The following LAMP3 variants were observed in gnomAD, a reference collection of about 807,000 sequenced individuals.
LAMP3 encodes lysosome associated membrane protein 3.
A neutral mutation model predicts 34.8 loss-of-function variants in LAMP3; 26 were observed. That is an observed-to-expected ratio of 0.75 (90% CI 0.55 to 1.04). The LOEUF (loss-of-function observed/expected upper bound fraction) is 1.04, where lower values mean the gene tolerates loss of function less well. Among genes scored for constraint, LAMP3 ranks in the 50% least tolerant of loss-of-function variants. The pLI is 0.00. For missense variants in LAMP3, 495 were observed against 524.0 expected (o/e 0.94, Z 0.54); for synonymous variants, 180 against 201.9 (o/e 0.89, Z 0.92).
intron 1 of LAMP3, among the ~76,000 whole-genome samples, chr3:183,159,207 T>A (rs1298544322): frequency 6.6e-6 from 1 of 152,222 alleles, no homozygotes; most frequent in African/African-American, 2.4e-5. Flanking sequence ...AGTGTCTTTA[T>A]CAAATCCCCA....
chr3:183,152,375 C>G lies in LAMP3; in HGVS notation c.888G>C (p.Lys296Asn), dbSNP rs1294319407. ...TTGTGCAAAGGAGCTCAGGCCTCAC[C>G]TTGGTAAATGTGAGATTCACAAATC... ...QGGFVNLTFT[K>N]DEESYYISEV... The change falls in exon 3 of 6, where the codon AAG becomes AAC. Residue 296 changes from lysine to asparagine, a missense_variant and splice_region_variant. Transcript: ENST00000265598. 7.5e-6 allele frequency: 12 copies of G among 1,607,448 alleles called. No homozygotes were observed. The highest frequency in any genetic ancestry group is 9.3e-6 in the Non-Finnish European group (11 of 1,177,182).
rs1399630279 is a variant in LAMP3 at position 183,154,490 on chromosome 3, A to T, written c.50-99T>A. On this transcript the variant is annotated intron_variant, in intron 1 of 5. Coordinates refer to ENST00000265598, the MANE Select transcript of LAMP3 (RefSeq NM_014398.4). ...TAATGTCTGTTCATAAAAAAACCTA[A>T]CATGCATATTTTTATACTTGGGGGA... 4.4e-6 allele frequency: 4 copies of T among 913,434 alleles called. No homozygotes were observed. In the African/African-American group the frequency reaches 6.7e-5, roughly 15 times the overall value. 56.6% of individuals were successfully genotyped at this position (913,434 alleles called of 1,614,324 possible).
chr3:183,136,671 C>CAA (rs879790632), intron 4 of LAMP3, among the ~76,000 whole-genome samples: 4 of 133,774 alleles, frequency 3.0e-5, no homozygotes, highest in Admixed American at 8.0e-5. Flanking sequence ...AAAAAAAAAA[C>CAA]AACTCATTAG....
intron 1 of LAMP3, among the ~76,000 whole-genome samples, chr3:183,154,672 G>A (rs1720774966): frequency 6.6e-6 from 1 of 152,074 alleles, no homozygotes; most frequent in South Asian, 2.1e-4. Context: ...ACTAATACAC[G>A]CCAAAGTGAT....
intron 3 of LAMP3, among the ~76,000 whole-genome samples, chr3:183,143,993 C>T (rs556924353): frequency 2.6e-5 from 4 of 152,262 alleles, no homozygotes; most frequent in African/African-American, 9.6e-5. Flanking sequence ...CTGCCCAGGA[C>T]GCCAGCATGC....
rs1719688132 is a variant in LAMP3, at chr3:183,122,224, A to G, written c.*1857T>C. ...ATGACATGCACAAATCTCCAAAGTA[A>G]GTTTTTATTACAAAAACCTTTACTA... On this transcript the variant is annotated 3_prime_UTR_variant, in exon 6 of 6. Transcript: ENST00000265598. 1 of 152,238 alleles carries G rather than the reference A, an allele frequency of 6.6e-6. No individual in the cohort carries two copies. The allele number at this position is 152,238 out of a possible 1,614,324, so 9.4% of individuals were successfully genotyped here.
At chr3:183,158,700 C>A (rs1452053264) in intron 1 of LAMP3, among the ~76,000 whole-genome samples, 2 of 152,072 alleles carry the variant, frequency 1.3e-5, no homozygotes, top group South Asian at 4.1e-4. Flanking sequence ...TAGGTATTTT[C>A]CTGACAGCCA....
At chr3:183,149,593 ATATATATATATATG>A (rs1183458880) in intron 3 of LAMP3, among the ~76,000 whole-genome samples, 1 of 99,254 alleles carries the variant, frequency 1.0e-5, no homozygotes, top group Non-Finnish European at 2.3e-5. Context: ...ATATATATAT[ATATATATATATATG>A]TATACACACA....
chr3:183,134,660 G>A (rs998772331), intron 5 of LAMP3, among the ~76,000 whole-genome samples: 1 of 152,004 alleles, frequency 6.6e-6, no homozygotes, highest in Non-Finnish European at 1.5e-5. Context: ...CAGAAACCAG[G>A]GGACCCAAGG....
intron 3 of LAMP3, among the ~76,000 whole-genome samples, chr3:183,146,484 C>T (rs149355692): frequency 1.1e-3 from 164 of 151,820 alleles, no homozygotes; most frequent in Middle Eastern, 3.4e-3. Flanking sequence ...CCAAATCTGG[C>T]CTTCAGTTGT....
Position 183,144,814 on chromosome 3 carries a change from G to A in LAMP3, c.889-4219C>T, listed in dbSNP as rs144885554. On this transcript the variant is annotated intron_variant, in intron 3 of 5. Transcript: ENST00000265598. ...CAGCTACTCAGGAGACTGAGAGGTGGAGGATCACTTGAGTCCAGGAGGCTG... is the reference window on the plus strand; with the variant it reads ...CAGCTACTCAGGAGACTGAGAGGTGAAGGATCACTTGAGTCCAGGAGGCTG... 1.7e-3 allele frequency among the ~76,000 whole-genome samples: 259 copies of A among 152,334 alleles called. 1 individual carries two copies. Among genetic ancestry groups the A allele is most frequent in the African/African-American group, 4.6e-3 (191 of 41,574 alleles).
chr3:183,162,120 C>T (rs1454574524), intron 1 of LAMP3: 7 of 222,790 alleles, frequency 3.1e-5, no homozygotes, highest in Non-Finnish European at 4.5e-5. Flanking sequence ...AGCGGAGGGT[C>T]GGATCATAAA....
At chr3:183,133,064 T>C in intron 5 of LAMP3, 1 of 393,766 alleles carries the variant, frequency 2.5e-6, no homozygotes, top group Non-Finnish European at 3.5e-6. Context: ...GAGGGGAAGA[T>C]GGAGCTGTTG....
At chr3:183,156,943 G>A (rs1003952399) in intron 1 of LAMP3, among the ~76,000 whole-genome samples, 1 of 152,304 alleles carries the variant, frequency 6.6e-6, no homozygotes. Flanking sequence ...AGACACAAAA[G>A]CAGAGGAGAG....
intron 5 of LAMP3, among the ~76,000 whole-genome samples, chr3:183,131,468 T>C (rs193226270): frequency 6.6e-6 from 1 of 152,324 alleles, no homozygotes; most frequent in East Asian, 1.9e-4. Flanking sequence ...CTCTTGCTGT[T>C]AAGCCCGAGT....
chr3:183,148,242 C>A (rs554642977), intron 3 of LAMP3, among the ~76,000 whole-genome samples: 26 of 152,322 alleles, frequency 1.7e-4, no homozygotes, highest in African/African-American at 5.5e-4. Context: ...GGGAAACTCT[C>A]CAGGACGTTG....
intron 2 of LAMP3, among the ~76,000 whole-genome samples, chr3:183,153,287 T>C (rs767135458): frequency 3.9e-5 from 6 of 152,076 alleles, no homozygotes; most frequent in Non-Finnish European, 8.8e-5. Flanking sequence ...TCCACATTAA[T>C]GTCAAAACTG....
Position 183,162,689 on chromosome 3 carries a change from C to T in LAMP3, c.-34G>A. The T allele has an allele frequency of 6.7e-7, 1 of 1,500,748 alleles. No homozygotes were observed. Among genetic ancestry groups the T allele is most frequent in the South Asian group, 1.3e-5 (1 of 77,932 alleles). The allele number at this position is 1,500,748 out of a possible 1,614,324, so 93.0% of individuals were successfully genotyped here. On this transcript the variant is annotated 5_prime_UTR_variant, in exon 1 of 6. Transcript: ENST00000265598. ...CTGGGCGAGGTTCTGCAGCGTGCGG[C>T]GAAGTCCGGGCAGGCCCCGAATCGG...
intron 3 of LAMP3, among the ~76,000 whole-genome samples, chr3:183,146,392 A>T (rs953241244): frequency 1.3e-5 from 2 of 152,204 alleles, no homozygotes; most frequent in African/African-American, 4.8e-5. Context: ...TCTTTTGGAA[A>T]AATCTAGAAG....
Sources: allele counts gnomAD v4.1 joint callset (sites outside exome capture counted in the v4.1 genomes callset), GRCh38; gene constraint gnomAD v4.1.1; transcripts MANE v1.5; gene names NCBI Gene and HGNC (gene_info 2026-07-23, HGNC 2026-07-21).